LMTK2: variants seen among roughly 807,000 people sequenced by gnomAD.
The protein encoded by LMTK2 is serine/threonine-protein kinase LMTK2.
Under a neutral mutation model 127.5 loss-of-function variants are expected in LMTK2, and 37 were observed. That is an observed-to-expected ratio of 0.29 (90% CI 0.22 to 0.38). The LOEUF (loss-of-function observed/expected upper bound fraction) is 0.38, where lower values mean the gene tolerates loss of function less well. Ranked by LOEUF, LMTK2 falls within the 10% of genes least tolerant of loss-of-function variation. LMTK2 has a pLI of 1.00. For missense variants in LMTK2, 1,694 were observed against 1,920.3 expected (o/e 0.88, Z 2.20); for synonymous variants, 819 against 810.1 (o/e 1.01, Z -0.19).
Position 98,107,207 on chromosome 7 carries a change from G to A in LMTK2, c.30G>A (p.Arg10=). ...CGGGGCCGCCGGCGTTGCGGCGGAGGCTGCTGCTGCTGCTGCTGGTCCTCC... is the reference window on the plus strand; with the variant it reads ...CGGGGCCGCCGGCGTTGCGGCGGAGACTGCTGCTGCTGCTGCTGGTCCTCC... MPGPPALRR[R]LLLLLLVLLI... Residue 10 remains arginine (R), a synonymous_variant, in exon 1 of 14, where the codon AGG becomes AGA. Coordinates refer to ENST00000297293, the MANE Select transcript of LMTK2 (RefSeq NM_014916.4). The A allele has an allele frequency of 3.8e-6, 5 of 1,303,414 alleles. No individual in the cohort carries two copies. The highest frequency in any genetic ancestry group is 5.0e-6 in the Non-Finnish European group (5 of 1,005,346). The allele number at this position is 1,303,414 out of a possible 1,614,324, so 80.7% of individuals were successfully genotyped here.
In LMTK2 at chr7:98,171,752, C is replaced by CTTAA; in HGVS notation, c.791+79_791+82dup. The stretch of plus-strand genomic sequence containing the variant: ...CAGAGAGGCTGCCGAGTTTGTGAAA[C>CTTAA]TTAAGGAGGACAGGAGGTGGCAGAA... On this transcript the variant is annotated intron_variant, in intron 7 of 13. Coordinates refer to ENST00000297293, the MANE Select transcript of LMTK2 (RefSeq NM_014916.4). The surrounding 1 kb of genome is among the most constrained non-coding windows in gnomAD (Gnocchi z 5.1). 6.9e-7 allele frequency: 1 copy of CTTAA among 1,440,540 alleles called. No homozygotes were observed. The highest frequency in any genetic ancestry group is 1.4e-5 in the African/African-American group (1 of 70,204). 89.2% of individuals were successfully genotyped at this position (1,440,540 alleles called of 1,614,324 possible).
Position 98,191,595 on chromosome 7 carries a change from C to CT in LMTK2, c.1149-17dup, listed in dbSNP as rs1160834567. The CT allele has an allele frequency of 2.6e-6, 4 of 1,529,850 alleles. No individual in the cohort carries two copies. The East Asian group carries it at 9.1e-5, about 35-fold the overall frequency. 94.8% of individuals were successfully genotyped at this position (1,529,850 alleles called of 1,614,324 possible). On this transcript the variant is annotated intron_variant, in intron 10 of 13. Coordinates refer to ENST00000297293, the MANE Select transcript of LMTK2 (RefSeq NM_014916.4). Reference sequence around the variant, plus strand: ...AAATTCGTGATGGTTCCACTGATTGCTTGTCGTGTGCTGCTCAGGTATGAA... The same window carrying CT: ...AAATTCGTGATGGTTCCACTGATTGCTTTGTCGTGTGCTGCTCAGGTATGAA...
chr7:98,173,222 G>C (rs530917801), intron 7 of LMTK2, among the ~76,000 whole-genome samples: 2 of 152,222 alleles, frequency 1.3e-5, no homozygotes, highest in South Asian at 4.2e-4. Flanking sequence ...CTTCAAGGGG[G>C]GACAGAGGAA....
At chr7:98,124,082 C>G (rs749088544) in intron 1 of LMTK2, among the ~76,000 whole-genome samples, 2 of 152,118 alleles carry the variant, frequency 1.3e-5, no homozygotes, top group Non-Finnish European at 2.9e-5. Flanking sequence ...GGGTTGGGCA[C>G]TGTCTTTTAC....
chr7:98,143,809 G>C (rs1224472803), intron 3 of LMTK2, among the ~76,000 whole-genome samples: 1 of 152,244 alleles, frequency 6.6e-6, no homozygotes, highest in African/African-American at 2.4e-5. Context: ...AATTGGGCAA[G>C]TGTGCAAATA....
chr7:98,197,748 AG>A (rs1263213431), intron 11 of LMTK2, among the ~76,000 whole-genome samples: 1 of 152,208 alleles, frequency 6.6e-6, no homozygotes, highest in African/African-American at 2.4e-5. Context: ...AGGCTGAGGC[AG>A]GAGGATCGCT....
At chr7:98,131,280 T>A (rs1456790186) in intron 1 of LMTK2, among the ~76,000 whole-genome samples, 1 of 152,218 alleles carries the variant, frequency 6.6e-6, no homozygotes, top group Non-Finnish European at 1.5e-5. Context: ...TCATAGTTTT[T>A]AAAATAGGTT....
chr7:98,183,936 T>C (rs952857619), intron 7 of LMTK2, among the ~76,000 whole-genome samples: 14 of 152,196 alleles, frequency 9.2e-5, no homozygotes, highest in African/African-American at 3.4e-4. Context: ...CTGCAACAAC[T>C]TGATTCTTGC....
intron 2 of LMTK2, among the ~76,000 whole-genome samples, chr7:98,137,958 A>C (rs1796618079): frequency 6.6e-6 from 1 of 152,230 alleles, no homozygotes; most frequent in East Asian, 1.9e-4. Context: ...GTTTTGTGAA[A>C]GAGGAAGATC....
chr7:98,128,865 G>T (rs1216774496), intron 1 of LMTK2, among the ~76,000 whole-genome samples: 3 of 152,142 alleles, frequency 2.0e-5, no homozygotes, highest in African/African-American at 7.2e-5. Flanking sequence ...CACTTTTTGA[G>T]ATAATGTATT....
At chr7:98,195,310 T>A (rs1018024454) in intron 11 of LMTK2, among the ~76,000 whole-genome samples, 7 of 152,068 alleles carry the variant, frequency 4.6e-5, no homozygotes, top group African/African-American at 1.7e-4. Context: ...GCGGTGGGTG[T>A]CTGGAGGGTG....
At chr7:98,129,475 T>G (rs1205040947) in intron 1 of LMTK2, among the ~76,000 whole-genome samples, 1 of 152,090 alleles carries the variant, frequency 6.6e-6, no homozygotes, top group Non-Finnish European at 1.5e-5. Context: ...CCTCCTGTGC[T>G]CAGGTGAGCC....
intron 6 of LMTK2, among the ~76,000 whole-genome samples, chr7:98,162,517 A>G (rs776468528): frequency 2.6e-5 from 4 of 152,194 alleles, no homozygotes; most frequent in Admixed American, 1.3e-4. Context: ...GCCTTCTAGA[A>G]TGAGCAGATG....
chr7:98,164,533 G>C (rs1797063923), intron 6 of LMTK2, among the ~76,000 whole-genome samples: 1 of 152,166 alleles, frequency 6.6e-6, no homozygotes, highest in Admixed American at 6.5e-5. Flanking sequence ...TGAGATTACC[G>C]AGCACAAGGA....
chr7:98,192,066 C>T lies in LMTK2; in HGVS notation c.1601C>T (p.Pro534Leu), dbSNP rs150198348. The T allele has an allele frequency of 6.4e-5, 102 of 1,583,900 alleles. No homozygotes were observed. Among genetic ancestry groups the T allele is most frequent in the Non-Finnish European group, 8.6e-5 (100 of 1,164,256 alleles). Residue 534 changes from proline (P) to leucine (L), a missense_variant, in exon 11 of 14, where the codon CCT becomes CTT. Pro to Leu is a moderately conservative substitution (Grantham distance 98). Coordinates refer to ENST00000297293, the MANE Select transcript of LMTK2 (RefSeq NM_014916.4). ...GGCCAGGATGTCCCCCTGAGGGTCC[C>T]TGGAGTGGTTCCTGTTTTTGATGCC... ...DSGQDVPLRV[P>L]GVVPVFDAHN... is the part of the protein sequence containing the mutation.
chr7:98,110,561 C>T (rs964007597), intron 1 of LMTK2, among the ~76,000 whole-genome samples: 1 of 152,194 alleles, frequency 6.6e-6, no homozygotes, highest in Admixed American at 6.5e-5. Context: ...CAGTTCTTTT[C>T]CCCAGATCAT....
intron 7 of LMTK2, among the ~76,000 whole-genome samples, chr7:98,176,682 T>C (rs1797282279): frequency 1.3e-5 from 2 of 152,054 alleles, no homozygotes; most frequent in South Asian, 4.2e-4. Flanking sequence ...CCATCTCTAC[T>C]AAAAATACAA....
chr7:98,194,527 G>A lies in LMTK2; in HGVS notation c.4062G>A (p.Lys1354=), dbSNP rs923922072. The A allele has an allele frequency of 8.7e-6, 14 of 1,611,582 alleles. No homozygotes were observed. The highest frequency in any genetic ancestry group is 1.1e-5 in the Non-Finnish European group (13 of 1,180,018). Residue 1354 remains lysine (K), a synonymous_variant, in exon 11 of 14, where the codon AAG becomes AAA. Coordinates refer to ENST00000297293, the MANE Select transcript of LMTK2 (RefSeq NM_014916.4). The surrounding 1 kb of genome is among the most constrained non-coding windows in gnomAD (Gnocchi z 5.4). Reference sequence around the variant, plus strand: ...CCGAGGACTGGAAGAAGGAAAAGAAGGCAGTCACGTTTTTCGATGATGTCA... The same window carrying A: ...CCGAGGACTGGAAGAAGGAAAAGAAAGCAGTCACGTTTTTCGATGATGTCA... ...PLPEDWKKEK[K]AVTFFDDVTV... is the part of the protein sequence containing the mutation.
chr7:98,202,833 A>G (rs1375018988), intron 11 of LMTK2, among the ~76,000 whole-genome samples: 3 of 152,086 alleles, frequency 2.0e-5, no homozygotes, highest in African/African-American at 7.3e-5. Context: ...CTCTTCTGTG[A>G]TGTCCCTGAT....
Sources: allele counts gnomAD v4.1 joint callset (sites outside exome capture counted in the v4.1 genomes callset), GRCh38; gene constraint gnomAD v4.1.1; non-coding constraint Gnocchi (gnomAD v3.1); transcripts MANE v1.5; gene names NCBI Gene and HGNC (gene_info 2026-07-23, HGNC 2026-07-21).